Variants in PLEKHG1 observed in about 807,000 individuals in gnomAD.
PLEKHG1 encodes pleckstrin homology and RhoGEF domain containing G1.
PLEKHG1 carries 44 observed loss-of-function variants against 100.8 expected under a neutral mutation model. The observed-to-expected ratio is 0.44, with a 90% CI of 0.34 to 0.56. The LOEUF (loss-of-function observed/expected upper bound fraction) is 0.56, where lower values mean the gene tolerates loss of function less well. Ranked by LOEUF, PLEKHG1 falls within the 20% of genes least tolerant of loss-of-function variation. PLEKHG1 has a pLI of 0.01. For missense variants in PLEKHG1, 1,545 were observed against 1,720.9 expected (o/e 0.90, Z 1.81); for synonymous variants, 640 against 662.5 (o/e 0.97, Z 0.52).
At chr6:150,697,717 C>T (rs1410098523) in intron 3 of PLEKHG1, among the ~76,000 whole-genome samples, 2 of 152,202 alleles carry the variant, frequency 1.3e-5, no homozygotes, top group East Asian at 3.8e-4. Flanking sequence ...CAGCCTCCTG[C>T]TGGAAGATTG....
chr6:150,812,156 T>C (rs997290658), intron 10 of PLEKHG1, among the ~76,000 whole-genome samples: 1 of 152,132 alleles, frequency 6.6e-6, no homozygotes, highest in African/African-American at 2.4e-5. Flanking sequence ...AGGAGCCCTC[T>C]GCTCTCACTG....
chr6:150,795,721 TAAAAAAA>T (rs919587743), intron 4 of PLEKHG1, 128 bp from the exon 6 acceptor site: 1 of 275,326 alleles, frequency 3.6e-6, no homozygotes, highest in Admixed American at 5.7e-5. Context: ...AAACTCCGCC[TAAAAAAA>T]AAAACAAAAA....
intron 2 of PLEKHG1, among the ~76,000 whole-genome samples, chr6:150,737,024 C>A (rs184227967): frequency 6.6e-6 from 1 of 152,148 alleles, no homozygotes; most frequent in South Asian, 2.1e-4. Context: ...CTAGATGCTC[C>A]TCTGTTCCAG....
chr6:150,647,801 T>A (rs945415192), intron 2 of PLEKHG1, among the ~76,000 whole-genome samples: 19 of 152,130 alleles, frequency 1.2e-4, no homozygotes, highest in Non-Finnish European at 2.2e-4. Flanking sequence ...CTTAATTTTT[T>A]AAAAAATCCT....
chr6:150,744,334 A>G (rs1278283101), intron 2 of PLEKHG1, among the ~76,000 whole-genome samples: 1 of 152,160 alleles, frequency 6.6e-6, no homozygotes, highest in Non-Finnish European at 1.5e-5. Flanking sequence ...TCGGCCTCCC[A>G]AAGTGTTGGG....
intron 3 of PLEKHG1, among the ~76,000 whole-genome samples, chr6:150,680,571 G>A (rs1249747073): frequency 6.6e-6 from 1 of 152,200 alleles, no homozygotes; most frequent in Non-Finnish European, 1.5e-5. Context: ...GAGGGATGTT[G>A]GTACAGGGAG....
chr6:150,757,720 G>A (rs543478686), intron 2 of PLEKHG1, among the ~76,000 whole-genome samples: 1 of 152,236 alleles, frequency 6.6e-6, no homozygotes, highest in East Asian at 1.9e-4. Flanking sequence ...TTTAAGTTCC[G>A]GGGTACATGT....
chr6:150,680,768 G>A (rs766988086), intron 3 of PLEKHG1, among the ~76,000 whole-genome samples: 13 of 152,158 alleles, frequency 8.5e-5, no homozygotes, highest in Non-Finnish European at 1.5e-4. Context: ...GCGGTGAAGC[G>A]GGGAAGAGAC....
intron 1 of PLEKHG1, among the ~76,000 whole-genome samples, chr6:150,606,943 C>T (rs971034894): frequency 2.6e-5 from 4 of 152,056 alleles, no homozygotes; most frequent in African/African-American, 9.7e-5. Flanking sequence ...CCTTCCTGCA[C>T]CCTGTCTGAC....
intron 3 of PLEKHG1, among the ~76,000 whole-genome samples, chr6:150,771,736 T>G (rs1784723984): frequency 6.6e-6 from 1 of 151,982 alleles, no homozygotes; most frequent in Non-Finnish European, 1.5e-5. Context: ...CTCCTATTAG[T>G]TCAGGTCCAA....
At chr6:150,764,398 C>T (rs1784351152) in intron 2 of PLEKHG1, among the ~76,000 whole-genome samples, 2 of 152,152 alleles carry the variant, frequency 1.3e-5, no homozygotes, top group Non-Finnish European at 1.5e-5. Context: ...GGATTACAGG[C>T]ATGAGCCACT....
At chr6:150,708,168 G>A (rs934213176) in intron 3 of PLEKHG1, among the ~76,000 whole-genome samples, 1 of 152,164 alleles carries the variant, frequency 6.6e-6, no homozygotes, top group African/African-American at 2.4e-5. Context: ...TACATCTCTT[G>A]GTTTTGGTTT....
At chr6:150,746,262 T>TA (rs1783157211) in intron 2 of PLEKHG1, among the ~76,000 whole-genome samples, 1 of 152,210 alleles carries the variant, frequency 6.6e-6, no homozygotes, top group South Asian at 2.1e-4. Context: ...AAATGAGAAT[T>TA]ATGTTCAAAT....
chr6:150,774,403 A>T (rs1045931561), intron 3 of PLEKHG1, among the ~76,000 whole-genome samples: 1 of 151,950 alleles, frequency 6.6e-6, no homozygotes, highest in African/African-American at 2.4e-5. Context: ...TTAGCATATG[A>T]TTTTACTCTT....
chr6:150,675,025 C>A (rs563120575), intron 3 of PLEKHG1, among the ~76,000 whole-genome samples: 34 of 152,042 alleles, frequency 2.2e-4, no homozygotes, highest in African/African-American at 8.2e-4. Context: ...AATTGCAAAC[C>A]GTTTGCTATT....
chr6:150,810,527 A>G (rs1008981960), intron 10 of PLEKHG1, among the ~76,000 whole-genome samples: 1,893 of 87,830 alleles, frequency 0.022, 36 homozygotes, highest in East Asian at 0.046. Context: ...AGAAAGAAAG[A>G]AAGAAAGAAA....
intron 3 of PLEKHG1, among the ~76,000 whole-genome samples, chr6:150,677,285 T>C (rs57626122): frequency 0.12 from 17,753 of 150,338 alleles, 1,238 homozygotes; most frequent in African/African-American, 0.2. Flanking sequence ...TCTTCCCCTA[T>C]ACACACACAC....
At chr6:150,688,853 A>G (rs73780074) in intron 3 of PLEKHG1, among the ~76,000 whole-genome samples, 2,065 of 152,306 alleles carry the variant, frequency 0.014, 48 homozygotes, top group African/African-American at 0.047. Context: ...GGTATATTAC[A>G]TTATTTACTT....
rs1053278114 is a variant in PLEKHG1 at position 150,774,634 on chromosome 6, C to T, written c.512+5896C>T. Among the ~76,000 whole-genome samples, 12 of 148,686 alleles carry T rather than the reference C, an allele frequency of 8.1e-5. No homozygotes were observed. In the South Asian group the frequency reaches 8.5e-4, roughly 11 times the overall value. On this transcript the variant is annotated intron_variant, in intron 3 of 15. Transcript: ENST00000358517. ...TTGGGTCACTGCAGCCTCCATCTCC[C>T]GGGTTAAGCGATTCTCCTGCCTCAG...
Sources: allele counts gnomAD v4.1 joint callset (sites outside exome capture counted in the v4.1 genomes callset), GRCh38; gene constraint gnomAD v4.1.1; transcripts MANE v1.5; gene names NCBI Gene and HGNC (gene_info 2026-07-23, HGNC 2026-07-21).